The following KRT5 variants were observed in gnomAD, a reference collection of about 807,000 sequenced individuals.
KRT5 encodes keratin 5, also known as keratin, type II cytoskeletal 5.
KRT5 carries 17 observed loss-of-function variants against 44.0 expected under a neutral mutation model. The observed-to-expected ratio is 0.39, with a 90% CI of 0.26 to 0.58. KRT5 has a LOEUF of 0.58. KRT5 is among the 20% of genes least tolerant of loss of function. The pLI is 0.61. For missense variants in KRT5, 737 were observed against 785.5 expected, an observed-to-expected ratio of 0.94 and a Z score of 0.74; for synonymous variants, 329 against 312.8, an observed-to-expected ratio of 1.05 and a Z score of -0.55.
Position 52,514,996 on chromosome 12 carries a change from G to A in KRT5, c.1719C>T (p.Ser573=), listed in dbSNP as rs886881037. Residue 573 remains serine, a synonymous_variant, in exon 9 of 9, where the codon TCC becomes TCT. Coordinates refer to ENST00000252242, the MANE Select transcript of KRT5 (RefSeq NM_000424.4). ...VGFGSGGGSS[S]SVKFVSTTSS... is the part of the protein sequence containing the mutation. ...AGGTGGTGGAGACAAATTTGACGCT[G>A]GAGCTGCTACCCCCGCCACTGCCAA... is the stretch of plus-strand genomic sequence containing the variant. 2 of 1,613,324 alleles carry A rather than the reference G, an allele frequency of 1.2e-6. No homozygotes were observed. The highest frequency in any genetic ancestry group is 8.5e-7 in the Non-Finnish European group (1 of 1,179,822).
Position 52,518,125 on chromosome 12 carries a change from T to A in KRT5, c.809A>T (p.Asn270Ile). The change falls in exon 3 of 9, where the codon AAT becomes ATT. Residue 270 changes from asparagine (N) to isoleucine (I), a missense_variant. This residue lies in a region of KRT5 where 59 missense variants were observed against 62.5 expected (regional missense o/e 0.94). Coordinates refer to ENST00000252242, the MANE Select transcript of KRT5 (RefSeq NM_000424.4). ...CACCTTCTTCAGCATCACAAACTCA[T>A]TCTCAGCAGTGGTACGCTTGTTGAT... is the stretch of plus-strand genomic sequence containing the variant. ...DEINKRTTAE[N>I]EFVMLKKDVD... 3 of 1,614,222 alleles carry A rather than the reference T, an allele frequency of 1.9e-6. No individual in the cohort carries two copies. Among genetic ancestry groups the A allele is most frequent in the Non-Finnish European group, 2.5e-6 (3 of 1,180,044 alleles).
intron 5 of KRT5, among the ~76,000 whole-genome samples, 159 bp from the exon 6 acceptor site, chr12:52,517,391 G>A (rs1416520134): frequency 2.0e-5 from 3 of 152,224 alleles, no homozygotes; most frequent in African/African-American, 7.2e-5. Flanking sequence ...CTCTCCTGGA[G>A]ACACTGGTGT....
intron 1 of KRT5, chr12:52,519,400 C>G (rs1938672380): frequency 1.5e-6 from 1 of 669,532 alleles, no homozygotes; most frequent in Admixed American, 2.6e-5. Context: ...TGTGTCCCGG[C>G]TCAGGGGTGG....
Position 52,517,323 on chromosome 12 carries a change from G to A in KRT5, c.1093-91C>T, listed in dbSNP as rs1033682310. Reference sequence around the variant, plus strand: ...CACAGGCAGTGAGTACTAAGTGGTGGCAAATAGTGTGGGGCTGGTTCAGGC... The same window carrying A: ...CACAGGCAGTGAGTACTAAGTGGTGACAAATAGTGTGGGGCTGGTTCAGGC... On this transcript the variant is annotated intron_variant, in intron 5 of 8. Coordinates refer to ENST00000252242, the MANE Select transcript of KRT5 (RefSeq NM_000424.4). 5.3e-6 allele frequency: 8 copies of A among 1,503,374 alleles called. No homozygotes were observed. The African/African-American group carries it at 9.6e-5, about 18-fold the overall frequency. 93.1% of individuals were successfully genotyped at this position (1,503,374 alleles called of 1,614,324 possible). A position where few individuals can be genotyped will look rare whatever the true frequency, so the allele number is the denominator to read the frequency against.
At position 52,516,713 on chromosome 12, in the gene KRT5, C is replaced by T. The variant is rs1294665232; in HGVS notation, c.1363G>A (p.Glu455Lys). The T allele has an allele frequency of 1.9e-6, 3 of 1,614,194 alleles. No homozygotes were observed. ...DMARLLREYQ[E>K]LMNTKLALDV... Reference sequence around the variant, plus strand: ...AGGGCCAGCTTGGTGTTCATGAGCTCCTGGTACTCACGCAGCAGCCGGGCC... The same window carrying T: ...AGGGCCAGCTTGGTGTTCATGAGCTTCTGGTACTCACGCAGCAGCCGGGCC... Residue 455 changes from glutamate to lysine, a missense_variant, in exon 7 of 9, where the codon GAG becomes AAG. Transcript: ENST00000252242.
rs1565592409 is a variant in KRT5 at position 52,515,842 on chromosome 12, G to GC, written c.1440-11_1440-10insG. 2 of 1,611,940 alleles carry GC rather than the reference G, an allele frequency of 1.2e-6. No individual in the cohort carries two copies. The highest frequency in any genetic ancestry group is 1.7e-6 in the Non-Finnish European group (2 of 1,178,026). On this transcript the variant is annotated splice_polypyrimidine_tract_variant and intron_variant, in intron 7 of 8. Coordinates refer to ENST00000252242, the MANE Select transcript of KRT5 (RefSeq NM_000424.4). ...TCCTTCTCCACTGAGTCTGAAAGGG[G>GC]AAAAATTGAATTAAGGGTTAACAGC...
chr12:52,517,084 G>T (rs1432481165), intron 6 of KRT5, 23 bp downstream of exon 6: 1 of 1,613,830 alleles, frequency 6.2e-7, no homozygotes. Context: ...CCCCTTCCTT[G>T]CCCTCTTTCA....
At chr12:52,515,496 C>T (rs1938595652) in intron 8 of KRT5, 1 of 627,484 alleles carries the variant, frequency 1.6e-6, no homozygotes, top group Admixed American at 2.6e-5. Context: ...CTGAGGGGAG[C>T]TAGGTACTGA....
At chr12:52,516,611 A>G (rs1565592618) in intron 7 of KRT5, 26 bp downstream of exon 7, 6 of 1,611,170 alleles carry the variant, frequency 3.7e-6, no homozygotes, top group Admixed American at 1.7e-5. Context: ...GCTGAAGGCC[A>G]TCTTGAGTTC....
At position 52,516,806 on chromosome 12, in the gene KRT5, C is replaced by G. The variant is rs748836260; in HGVS notation, c.1270G>C (p.Ala424Pro). 1 of 1,614,146 alleles carries G rather than the reference C, an allele frequency of 6.2e-7. No homozygotes were observed. The highest frequency in any genetic ancestry group is 1.7e-5 in the Admixed American group (1 of 60,010). The change falls in exon 7 of 9, where the codon GCC becomes CCC. Residue 424 changes from alanine to proline, a missense_variant. Transcript: ENST00000252242. The stretch of plus-strand genomic sequence containing the variant: ...AGCTTGTTCCTGGCATCCTTGAGGG[C>G]CAGCTCCCCACGCTGCTCGGCATCC... ...IADAEQRGEL[A>P]LKDARNKLAE...
chr12:52,516,954 A>G (rs897051279), intron 6 of KRT5, 97 bp from the exon 7 acceptor site: 12 of 1,531,222 alleles, frequency 7.8e-6, no homozygotes, highest in African/African-American at 1.4e-5. Context: ...TGAATCCCAG[A>G]GAGAAACCAG....
chr12:52,515,989 A>G, intron 7 of KRT5, 157 bp from the exon 8 acceptor site: 1 of 679,252 alleles, frequency 1.5e-6, no homozygotes, highest in South Asian at 1.7e-5. Flanking sequence ...AGAACTCTCC[A>G]GAGGGATTTT....
intron 2 of KRT5, 74 bp from the exon 3 acceptor site, chr12:52,518,237 C>T (rs1200649972): frequency 6.4e-6 from 9 of 1,416,114 alleles, no homozygotes; most frequent in Non-Finnish European, 9.0e-6. Context: ...ATGCAGTCAA[C>T]TGTAAGCCTA....
rs886049626 is a variant in KRT5 at position 52,520,365 on chromosome 12, G to A, written c.-69C>T. Reference sequence around the variant, plus strand: ...GTTGGGAGGTGCTGGAGAGAACAGAGCTCAGCAGGACGCAGAAGGTGGCTC... The same window carrying A: ...GTTGGGAGGTGCTGGAGAGAACAGAACTCAGCAGGACGCAGAAGGTGGCTC... On this transcript the variant is annotated 5_prime_UTR_variant, in exon 1 of 9. Coordinates refer to ENST00000252242, the MANE Select transcript of KRT5 (RefSeq NM_000424.4). 1 of 1,465,592 alleles carries A rather than the reference G, an allele frequency of 6.8e-7. No homozygotes were observed. The highest frequency in any genetic ancestry group is 9.5e-7 in the Non-Finnish European group (1 of 1,052,576). The allele number at this position is 1,465,592 out of a possible 1,614,324, so 90.8% of individuals were successfully genotyped here. A position where few individuals can be genotyped will look rare whatever the true frequency, so the allele number is the denominator to read the frequency against.
chr12:52,515,659 C>G, intron 8 of KRT5, 139 bp downstream of exon 8: 1 of 772,170 alleles, frequency 1.3e-6, no homozygotes, highest in Non-Finnish European at 2.3e-6. Flanking sequence ...CCACCACCCA[C>G]AACTTACTAA....
In KRT5 at chr12:52,514,992, C is replaced by A. The variant is rs552694552; in HGVS notation, c.1723G>T (p.Val575Phe). Residue 575 changes from valine (V) to phenylalanine (F), a missense_variant, in exon 9 of 9, where the codon GTC becomes TTC. This residue lies in a region of KRT5 where 344 missense variants were observed against 351.6 expected (regional missense o/e 0.98). Coordinates refer to ENST00000252242, the MANE Select transcript of KRT5 (RefSeq NM_000424.4). Reference sequence around the variant, plus strand: ...GAGGAGGTGGTGGAGACAAATTTGACGCTGGAGCTGCTACCCCCGCCACTG... The same window carrying A: ...GAGGAGGTGGTGGAGACAAATTTGAAGCTGGAGCTGCTACCCCCGCCACTG... ...FGSGGGSSSSVKFVSTTSSSR... is the reference protein window; with the variant it reads ...FGSGGGSSSSFKFVSTTSSSR... 13 of 1,613,124 alleles carry A rather than the reference C, an allele frequency of 8.1e-6. No individual in the cohort carries two copies. Among genetic ancestry groups the A allele is most frequent in the Non-Finnish European group, 9.3e-6 (11 of 1,179,848 alleles).
intron 7 of KRT5, 81 bp downstream of exon 7, chr12:52,516,556 G>A: frequency 7.8e-7 from 1 of 1,280,020 alleles, no homozygotes; most frequent in Non-Finnish European, 1.1e-6. Context: ...CTGATCTCAT[G>A]TATGTGTGTT....
At chr12:52,518,813 A>G in intron 2 of KRT5, 133 bp downstream of exon 2, 1 of 1,067,376 alleles carries the variant, frequency 9.4e-7, no homozygotes, top group South Asian at 1.3e-5. Flanking sequence ...TGTTTGTTTT[A>G]GTACTGGAGG....
rs780003015 is a variant in KRT5, at chr12:52,515,129, C to T, written c.1586G>A (p.Ser529Asn). The T allele has an allele frequency of 1.2e-6, 2 of 1,611,830 alleles. No homozygotes were observed. The highest frequency in any genetic ancestry group is 2.2e-5 in the East Asian group (1 of 44,810). ...ACTGCTGCTGGAGTAGTAGCTTCCA[C>T]TGCTACCTCCGGCAAGACCTCCACC... ...GLGGGLAGGS[S>N]GSYYSSSSGG... Residue 529 changes from serine to asparagine, a missense_variant, in exon 9 of 9, where the codon AGT becomes AAT. Transcript: ENST00000252242.
Sources: gnomAD v4.1 joint callset for allele counts (sites outside exome capture counted in the v4.1 genomes callset) on GRCh38, gnomAD v4.1.1 for gene constraint, gnomAD v4.1.1 regional missense constraint, MANE v1.5 for transcripts, NCBI Gene and HGNC (gene_info 2026-07-23, HGNC 2026-07-21) for gene names.